ATP10B: variants seen among roughly 807,000 people sequenced by gnomAD.
The protein encoded by ATP10B is phospholipid-transporting ATPase VB.
Under a neutral mutation model 141.2 loss-of-function variants are expected in ATP10B, and 122 were observed. That is an observed-to-expected ratio of 0.86 (90% CI 0.75 to 1.00). The LOEUF is 1.00. Ranked by LOEUF, ATP10B falls within the 50% of genes least tolerant of loss-of-function variation. ATP10B has a pLI of 0.00. For synonymous variants in ATP10B, 685 were observed against 692.0 expected, an observed-to-expected ratio of 0.99 and a Z score of 0.16; for missense variants, 1,876 against 1,825.3, an observed-to-expected ratio of 1.03 and a Z score of -0.51.
intron 7 of ATP10B, among the ~76,000 whole-genome samples, chr5:160,652,889 T>TTATATAATATATTATATATACGTGTA (rs1760909448): frequency 3.1e-5 from 1 of 32,408 alleles, no homozygotes; most frequent in Non-Finnish European, 5.6e-5. Flanking sequence ...ATATATATAA[T>TTATATAATATATTATATATACGTGTA]TATATAATAT....
chr5:160,792,334 T>C (rs748235971), intron 1 of ATP10B, among the ~76,000 whole-genome samples: 2 of 152,184 alleles, frequency 1.3e-5, no homozygotes, highest in African/African-American at 4.8e-5. Flanking sequence ...AGTATCCATA[T>C]TGTTCCTTTT....
the ATP10B span, among the ~76,000 whole-genome samples, chr5:160,890,543 G>A: frequency 6.8e-5 from 9 of 132,922 alleles, no homozygotes; most frequent in Non-Finnish European, 1.5e-4. Flanking sequence ...TATAACATGT[G>A]GCTCTTTGTG....
intron 2 of ATP10B, among the ~76,000 whole-genome samples, chr5:160,748,765 A>C (rs1451582432): frequency 6.6e-6 from 1 of 152,196 alleles, no homozygotes. Context: ...GGACTGAGGG[A>C]AATTATTATG....
At chr5:160,584,219 G>C (rs1315932845) in intron 24 of ATP10B, among the ~76,000 whole-genome samples, 3 of 152,228 alleles carry the variant, frequency 2.0e-5, no homozygotes, top group Admixed American at 6.5e-5. Context: ...TGTGGGAAAA[G>C]TGTAGTATCT....
At chr5:160,674,358 G>A (rs747920535) in intron 6 of ATP10B, among the ~76,000 whole-genome samples, 2 of 152,188 alleles carry the variant, frequency 1.3e-5, no homozygotes, top group Non-Finnish European at 2.9e-5. Context: ...CTATGGAGAG[G>A]AGCTTGTGGC....
chr5:160,768,568 C>G (rs1270839446), intron 2 of ATP10B, among the ~76,000 whole-genome samples: 1 of 152,192 alleles, frequency 6.6e-6, no homozygotes, highest in Non-Finnish European at 1.5e-5. Flanking sequence ...CTGTTTATAT[C>G]ATTTGCCACT....
intron 2 of ATP10B, among the ~76,000 whole-genome samples, chr5:160,723,978 C>A (rs561196484): frequency 1.3e-5 from 2 of 152,052 alleles, no homozygotes; most frequent in Admixed American, 1.3e-4. Flanking sequence ...ATGTCCTTTG[C>A]GGGGACATGG....
At chr5:160,670,943 G>A (rs1483668670) in intron 6 of ATP10B, among the ~76,000 whole-genome samples, 1 of 151,866 alleles carries the variant, frequency 6.6e-6, no homozygotes, top group Non-Finnish European at 1.5e-5. Flanking sequence ...GAGGTGGGTG[G>A]ATCATGAGGT....
intron 3 of ATP10B, among the ~76,000 whole-genome samples, chr5:160,696,255 C>T (rs144547808): frequency 0.014 from 2,137 of 152,088 alleles, 59 homozygotes; most frequent in African/African-American, 0.048. Flanking sequence ...TACAGGCACC[C>T]GCCATCATGC....
At chr5:160,781,851 G>A (rs1030157109) in intron 2 of ATP10B, among the ~76,000 whole-genome samples, 2 of 152,156 alleles carry the variant, frequency 1.3e-5, no homozygotes, top group Non-Finnish European at 2.9e-5. Flanking sequence ...TGAGGCCAGG[G>A]TTGAGTGGTT....
rs1313876472 is a variant in ATP10B at position 160,785,581 on chromosome 5, T to A, written c.-353A>T. 1 of 920,994 alleles carries A rather than the reference T, an allele frequency of 1.1e-6. No individual in the cohort carries two copies. The highest frequency in any genetic ancestry group is 6.1e-5 in the East Asian group (1 of 16,330). 57.1% of individuals were successfully genotyped at this position (920,994 alleles called of 1,614,324 possible). A position where few individuals can be genotyped will look rare whatever the true frequency, so the allele number is the denominator to read the frequency against. Reference sequence around the variant, plus strand: ...TACCTGATAGGTAGATTTCAAGTCTTGTTCCTCTTTCTCCTTCCCTCCTTT... The same window carrying A: ...TACCTGATAGGTAGATTTCAAGTCTAGTTCCTCTTTCTCCTTCCCTCCTTT... On this transcript the variant is annotated 5_prime_UTR_variant, in exon 2 of 26. Coordinates refer to ENST00000327245, the MANE Select transcript of ATP10B (RefSeq NM_025153.3).
chr5:160,753,528 A>G (rs1412884394), intron 2 of ATP10B, among the ~76,000 whole-genome samples: 2 of 152,202 alleles, frequency 1.3e-5, no homozygotes, highest in African/African-American at 4.8e-5. Flanking sequence ...CACATGTAGA[A>G]TGTGTCATTC....
At chr5:160,782,924 A>G (rs1462295348) in intron 2 of ATP10B, among the ~76,000 whole-genome samples, 1 of 152,158 alleles carries the variant, frequency 6.6e-6, no homozygotes, top group Non-Finnish European at 1.5e-5. Flanking sequence ...TTTATACATA[A>G]CAGGTATTTC....
At chr5:160,915,082 G>T in the ATP10B span, among the ~76,000 whole-genome samples, 5 of 152,132 alleles carry the variant, frequency 3.3e-5, no homozygotes, top group African/African-American at 1.2e-4. Context: ...AGGAGTCCTG[G>T]GTTCTCATGC....
chr5:160,736,100 C>T (rs1767095846), intron 2 of ATP10B, among the ~76,000 whole-genome samples: 1 of 151,786 alleles, frequency 6.6e-6, no homozygotes. Flanking sequence ...GCAAACCAAA[C>T]CCAAAATTAG....
chr5:160,629,235 C>T (rs911666114), intron 13 of ATP10B, among the ~76,000 whole-genome samples: 3 of 152,062 alleles, frequency 2.0e-5, no homozygotes, highest in Admixed American at 6.5e-5. Flanking sequence ...GGGTGGGCAC[C>T]GAGACAGCCA....
At chr5:160,780,267 G>A (rs975294466) in intron 2 of ATP10B, among the ~76,000 whole-genome samples, 2 of 152,118 alleles carry the variant, frequency 1.3e-5, no homozygotes, top group Non-Finnish European at 2.9e-5. Context: ...GAGCATGGAA[G>A]CTCACCTTAT....
At chr5:160,819,821 A>G (rs73305807) in intron 1 of ATP10B, among the ~76,000 whole-genome samples, 1 of 152,158 alleles carries the variant, frequency 6.6e-6, no homozygotes, top group African/African-American at 2.4e-5. Flanking sequence ...ATCAAAAAAC[A>G]TATAATGGAT....
chr5:160,762,893 A>G lies in ATP10B; in HGVS notation c.-331+22666T>C, dbSNP rs188890561. 3.8e-3 allele frequency among the ~76,000 whole-genome samples: 578 copies of G among 151,928 alleles called. 2 individuals carry two copies. The highest frequency in any genetic ancestry group is 6.6e-3 in the Non-Finnish European group (451 of 67,886). ...AAGATATTCCATGCAAATGGACACCAAAAGCAAGTAGGAATAGCTATTCTT... is the reference window on the plus strand; with the variant it reads ...AAGATATTCCATGCAAATGGACACCGAAAGCAAGTAGGAATAGCTATTCTT... On this transcript the variant is annotated intron_variant, in intron 2 of 25. Transcript: ENST00000327245.
Sources: gnomAD v4.1 joint callset for allele counts (sites outside exome capture counted in the v4.1 genomes callset) on GRCh38, gnomAD v4.1.1 for gene constraint, MANE v1.5 for transcripts, NCBI Gene and HGNC (gene_info 2026-07-23, HGNC 2026-07-21) for gene names.